The following PDE10A variants were observed in gnomAD, a reference collection of about 807,000 sequenced individuals.
PDE10A encodes the protein cAMP and cAMP-inhibited cGMP 3',5'-cyclic phosphodiesterase 10A.
A neutral mutation model predicts 97.7 loss-of-function variants in PDE10A; 39 were observed. The observed-to-expected ratio is 0.40, with a 90% CI of 0.31 to 0.52. The LOEUF (loss-of-function observed/expected upper bound fraction) is 0.52. Among genes scored for constraint, PDE10A ranks in the 20% least tolerant of loss-of-function variants. The pLI is 0.56. For missense variants in PDE10A, 731 were observed against 1,047.8 expected (o/e 0.70, Z 4.17); for synonymous variants, 371 against 376.8 (o/e 0.98, Z 0.18).
chr6:165,618,489 C>T (rs182848521), intron 1 of PDE10A, among the ~76,000 whole-genome samples: 67 of 152,312 alleles, frequency 4.4e-4, no homozygotes, highest in African/African-American at 1.4e-3. Context: ...GCAGTTCACA[C>T]AGACATGGCC....
At chr6:165,390,102 G>GA (rs1394426510) in intron 16 of PDE10A, among the ~76,000 whole-genome samples, 1 of 152,062 alleles carries the variant, frequency 6.6e-6, no homozygotes, top group African/African-American at 2.4e-5. Context: ...TGAAAAGGGG[G>GA]AACAGACTGC....
intron 17 of PDE10A, among the ~76,000 whole-genome samples, chr6:165,387,038 C>T (rs967369359): frequency 3.3e-5 from 5 of 151,856 alleles, no homozygotes; most frequent in Admixed American, 6.6e-5. Context: ...TCTATGTATG[C>T]TTGTTTTATG....
chr6:165,870,393 C>A (rs775283587), intron 1 of PDE10A, among the ~76,000 whole-genome samples: 8 of 152,134 alleles, frequency 5.3e-5, no homozygotes, highest in African/African-American at 9.7e-5. Context: ...ATCAAAATCA[C>A]AATGAGATAT....
At chr6:165,821,794 C>T (rs369923026) in intron 1 of PDE10A, among the ~76,000 whole-genome samples, 1 of 152,112 alleles carries the variant, frequency 6.6e-6, no homozygotes, top group Non-Finnish European at 1.5e-5. Flanking sequence ...CTGCCCATCT[C>T]GGCCTCCCAA....
chr6:165,423,958 C>T (rs1314446938), intron 10 of PDE10A, among the ~76,000 whole-genome samples: 1 of 152,142 alleles, frequency 6.6e-6, no homozygotes, highest in African/African-American at 2.4e-5. Flanking sequence ...CTTGTTTCCT[C>T]TAATCCAGGG....
chr6:165,601,189 C>T (rs1786927894), intron 1 of PDE10A, among the ~76,000 whole-genome samples: 2 of 152,162 alleles, frequency 1.3e-5, no homozygotes, highest in South Asian at 2.1e-4. Context: ...CCTTTTGCTG[C>T]CACCATGTAA....
intron 15 of PDE10A, among the ~76,000 whole-genome samples, chr6:165,393,863 T>C (rs577802288): frequency 5.5e-4 from 83 of 152,226 alleles, no homozygotes; most frequent in African/African-American, 1.9e-3. Context: ...AAAGGATCAG[T>C]TATAAAGTCA....
chr6:165,387,995 T>A (rs1003248147), intron 17 of PDE10A, among the ~76,000 whole-genome samples: 5 of 152,198 alleles, frequency 3.3e-5, no homozygotes, highest in Admixed American at 6.5e-5. Flanking sequence ...AATATGATAA[T>A]CTATATAATT....
intron 16 of PDE10A, 68 bp downstream of exon 16, chr6:165,392,578 G>C: frequency 7.0e-7 from 1 of 1,428,550 alleles, no homozygotes; most frequent in Non-Finnish European, 9.7e-7. Context: ...TGTCATCAAT[G>C]TGCTCCTGAC....
intron 1 of PDE10A, among the ~76,000 whole-genome samples, chr6:165,558,274 A>G (rs1784356501): frequency 1.3e-5 from 2 of 152,238 alleles, no homozygotes. Flanking sequence ...CTATGCAGCC[A>G]TAAAAGAGGA....
At chr6:165,439,779 T>A (rs994752624) in intron 5 of PDE10A, among the ~76,000 whole-genome samples, 1 of 152,202 alleles carries the variant, frequency 6.6e-6, no homozygotes, top group African/African-American at 2.4e-5. Context: ...TAAAAAGCAT[T>A]CAAATTACAA....
chr6:165,953,794 T>C (rs1784046258), intron 1 of PDE10A, among the ~76,000 whole-genome samples: 1 of 152,214 alleles, frequency 6.6e-6, no homozygotes, highest in African/African-American at 2.4e-5. Context: ...GTTGGTTCCT[T>C]GTGTTGTACA....
chr6:165,793,479 G>A (rs568924139), intron 1 of PDE10A, among the ~76,000 whole-genome samples: 6 of 152,160 alleles, frequency 3.9e-5, no homozygotes, highest in East Asian at 1.9e-4. Context: ...CCTGAGACCC[G>A]GGGCTGGGGG....
At chr6:165,391,851 A>G (rs1785743893) in intron 16 of PDE10A, among the ~76,000 whole-genome samples, 1 of 152,214 alleles carries the variant, frequency 6.6e-6, no homozygotes, top group Non-Finnish European at 1.5e-5. Flanking sequence ...AATTTGAGAA[A>G]AGCACAATTT....
intron 1 of PDE10A, among the ~76,000 whole-genome samples, chr6:165,720,202 G>A (rs28455942): frequency 0.48 from 72,866 of 151,910 alleles, 18,103 homozygotes; most frequent in Non-Finnish European, 0.55. Flanking sequence ...GGGGAGAGAG[G>A]GTGTTCCTGT....
intron 2 of PDE10A, among the ~76,000 whole-genome samples, chr6:165,522,007 C>A (rs1164346541): frequency 6.6e-6 from 1 of 152,176 alleles, no homozygotes; most frequent in Non-Finnish European, 1.5e-5. Context: ...TCAGAACTTT[C>A]TTCTTTTGTA....
At chr6:165,761,784 CAAT>C (rs1232775994) in intron 1 of PDE10A, among the ~76,000 whole-genome samples, 2 of 151,886 alleles carry the variant, frequency 1.3e-5, no homozygotes, top group Non-Finnish European at 2.9e-5. Flanking sequence ...TTTCAAAAAA[CAAT>C]GATGTAAAAT....
At chr6:165,777,270 T>C (rs1047822981) in intron 1 of PDE10A, among the ~76,000 whole-genome samples, 1 of 152,192 alleles carries the variant, frequency 6.6e-6, no homozygotes, top group Non-Finnish European at 1.5e-5. Flanking sequence ...TTTTCTAGAA[T>C]GTTTATTTGA....
intron 1 of PDE10A, among the ~76,000 whole-genome samples, chr6:165,699,953 C>G (rs1398378385): frequency 2.6e-5 from 4 of 151,474 alleles, no homozygotes; most frequent in African/African-American, 9.7e-5. Context: ...AAACCTAAAT[C>G]AAGCAAAAAG....
Sources: gnomAD v4.1 joint callset for allele counts (sites outside exome capture counted in the v4.1 genomes callset) on GRCh38, gnomAD v4.1.1 for gene constraint, MANE v1.5 for transcripts, NCBI Gene and HGNC (gene_info 2026-07-23, HGNC 2026-07-21) for gene names.